Variants in DENND1A observed in about 807,000 individuals in gnomAD.
DENND1A encodes the protein DENN domain-containing protein 1A.
DENND1A carries 51 observed loss-of-function variants against 113.7 expected under a neutral mutation model. The ratio of observed to expected loss-of-function variants is 0.45; its 90% CI spans 0.36 to 0.57. The LOEUF (loss-of-function observed/expected upper bound fraction) is 0.57, where lower values mean the gene tolerates loss of function less well. Among genes scored for constraint, DENND1A ranks in the 20% least tolerant of loss-of-function variants. The pLI is 0.00. For missense variants in DENND1A, 1,258 were observed against 1,395.9 expected, an observed-to-expected ratio of 0.90 and a Z score of 1.57; for synonymous variants, 565 against 570.8, an observed-to-expected ratio of 0.99 and a Z score of 0.14.
At chr9:123,804,140 C>T (rs1564301982) in intron 2 of DENND1A, among the ~76,000 whole-genome samples, 3 of 152,162 alleles carry the variant, frequency 2.0e-5, no homozygotes, top group Non-Finnish European at 2.9e-5. Flanking sequence ...GCAATGTTCT[C>T]GTGATAGTGA....
At chr9:123,868,700 T>C (rs1846116164) in intron 2 of DENND1A, among the ~76,000 whole-genome samples, 1 of 152,186 alleles carries the variant, frequency 6.6e-6, no homozygotes, top group Admixed American at 6.5e-5. Context: ...CACAGTGTCA[T>C]GAATAAAGCA....
intron 8 of DENND1A, among the ~76,000 whole-genome samples, chr9:123,663,437 C>T (rs989906294): frequency 7.2e-5 from 11 of 152,102 alleles, no homozygotes; most frequent in Admixed American, 7.2e-4. Context: ...CGTTCACCGC[C>T]ATAAAAGAGT....
At chr9:123,844,133 A>C (rs1057371535) in intron 2 of DENND1A, among the ~76,000 whole-genome samples, 2 of 152,176 alleles carry the variant, frequency 1.3e-5, no homozygotes, top group African/African-American at 4.8e-5. Context: ...CCAAAAGACT[A>C]AATGTTTCTC....
At chr9:123,818,563 C>T (rs946720976) in intron 2 of DENND1A, among the ~76,000 whole-genome samples, 1,204 of 56,744 alleles carry the variant, frequency 0.021, 22 homozygotes, top group African/African-American at 0.045. Context: ...CACACACACA[C>T]ACACATATAT....
Position 123,891,145 on chromosome 9 carries a change from T to G in DENND1A, c.18-12124A>C, listed in dbSNP as rs138418680. Among the ~76,000 whole-genome samples, 790 of 152,282 alleles carry G rather than the reference T, an allele frequency of 5.2e-3. 8 individuals are homozygous for G. Among genetic ancestry groups the G allele is most frequent in the Non-Finnish European group, 9.3e-3 (634 of 68,024 alleles). On this transcript the variant is annotated intron_variant, in intron 1 of 23. Coordinates refer to ENST00000394215, the MANE Select transcript of DENND1A (RefSeq NM_001352964.2). The stretch of plus-strand genomic sequence containing the variant: ...CCATCCAGAGAGCTCACAACCTGAC[T>G]TCAGGGAGATCCAGAATTACAGAGT...
intron 3 of DENND1A, among the ~76,000 whole-genome samples, chr9:123,770,147 A>G (rs1829495756): frequency 6.6e-6 from 1 of 152,218 alleles, no homozygotes; most frequent in South Asian, 2.1e-4. Context: ...GCATATATTT[A>G]TTTTGGAACC....
chr9:123,642,747 C>A, intron 9 of DENND1A, among the ~76,000 whole-genome samples: 1 of 152,150 alleles, frequency 6.6e-6, no homozygotes, highest in East Asian at 1.9e-4. Flanking sequence ...GGCCTTGGCT[C>A]TGCTCCAGGA....
At chr9:123,849,952 C>G (rs1174042455) in intron 2 of DENND1A, among the ~76,000 whole-genome samples, 1 of 152,190 alleles carries the variant, frequency 6.6e-6, no homozygotes, top group African/African-American at 2.4e-5. Flanking sequence ...GCTGCGATCT[C>G]ATGATAAAAT....
intron 21 of DENND1A, among the ~76,000 whole-genome samples, chr9:123,399,027 C>A (rs1016879914): frequency 6.6e-6 from 1 of 151,480 alleles, no homozygotes; most frequent in East Asian, 2.0e-4. Flanking sequence ...AACTCCTGAC[C>A]TCAAGTGACC....
chr9:123,755,912 G>T (rs962129924), intron 5 of DENND1A, among the ~76,000 whole-genome samples: 2 of 152,102 alleles, frequency 1.3e-5, no homozygotes, highest in Non-Finnish European at 1.5e-5. Context: ...TGTGGGTTTT[G>T]TGTTGTTTTG....
At chr9:123,726,584 C>T (rs1485971461) in intron 5 of DENND1A, among the ~76,000 whole-genome samples, 3 of 152,142 alleles carry the variant, frequency 2.0e-5, no homozygotes, top group Non-Finnish European at 4.4e-5. Flanking sequence ...GAGCCTCTGG[C>T]TTTTACCAGT....
intron 13 of DENND1A, among the ~76,000 whole-genome samples, chr9:123,504,902 G>A (rs952371347): frequency 4.6e-5 from 7 of 152,112 alleles, no homozygotes; most frequent in Non-Finnish European, 1.0e-4. Context: ...GTTCTGCTTG[G>A]TAATTATGGA....
intron 10 of DENND1A, among the ~76,000 whole-genome samples, chr9:123,620,860 T>C (rs574394846): frequency 4.0e-5 from 6 of 148,506 alleles, no homozygotes; most frequent in Non-Finnish European, 8.9e-5. Context: ...TAAAAAAAAA[T>C]ATCTCTATTC....
chr9:123,845,894 TTC>T (rs1341271008), intron 2 of DENND1A, among the ~76,000 whole-genome samples: 2 of 152,054 alleles, frequency 1.3e-5, no homozygotes, highest in African/African-American at 2.4e-5. Context: ...AAATGAAAAC[TTC>T]TGTTTCAGGT....
At chr9:123,426,077 G>A (rs1277678306) in intron 19 of DENND1A, among the ~76,000 whole-genome samples, 1 of 152,216 alleles carries the variant, frequency 6.6e-6, no homozygotes, top group East Asian at 1.9e-4. Flanking sequence ...GAGGATGGCA[G>A]GGAGCTCCAG....
intron 10 of DENND1A, among the ~76,000 whole-genome samples, chr9:123,620,232 A>AAAAAAAGAAAAAAAAAAAAAAAAAAAG (rs1554916731): frequency 8.7e-6 from 1 of 114,422 alleles, no homozygotes; most frequent in East Asian, 2.2e-4. Context: ...AAAAAAAAAA[A>AAAAAAAGAAAAAAAAAAAAAAAAAAAG]AAAAAAGAAA....
At chr9:123,590,381 A>AG (rs1221341343) in intron 11 of DENND1A, among the ~76,000 whole-genome samples, 1 of 152,200 alleles carries the variant, frequency 6.6e-6, no homozygotes, top group African/African-American at 2.4e-5. Flanking sequence ...CAGAGCCCAG[A>AG]GGTGAAGAAC....
chr9:123,689,025 T>C (rs1009447654), intron 5 of DENND1A, among the ~76,000 whole-genome samples: 5 of 152,152 alleles, frequency 3.3e-5, no homozygotes, highest in Admixed American at 2.0e-4. Context: ...CTGATGTAAA[T>C]TCTTTTTTGT....
chr9:123,868,336 T>C lies in DENND1A; in HGVS notation c.88+10615A>G, dbSNP rs570350951. Among the ~76,000 whole-genome samples, 5 of 152,338 alleles carry C rather than the reference T, an allele frequency of 3.3e-5. No homozygotes were observed. The South Asian group carries it at 8.3e-4, about 25-fold the overall frequency. ...TTTGTCTAGTTACTTTTACTTTCTG[T>C]TTTTCAGTTATGTCAATTTGATAAC... is the stretch of plus-strand genomic sequence containing the variant. On this transcript the variant is annotated intron_variant, in intron 2 of 23. Transcript: ENST00000394215.
Sources: allele counts gnomAD v4.1 joint callset (sites outside exome capture counted in the v4.1 genomes callset), GRCh38; gene constraint gnomAD v4.1.1; transcripts MANE v1.5; gene names NCBI Gene and HGNC (gene_info 2026-07-23, HGNC 2026-07-21).